Variants in FAM168B observed in about 807,000 individuals in gnomAD.
FAM168B encodes family with sequence similarity 168 member B, also known as myelin-associated neurite-outgrowth inhibitor.
A neutral mutation model predicts 21.8 loss-of-function variants in FAM168B; 19 were observed. The observed-to-expected ratio is 0.87, with a 90% CI of 0.61 to 1.28. The LOEUF (loss-of-function observed/expected upper bound fraction) is 1.28, where lower values mean the gene tolerates loss of function less well. FAM168B is among the 50% of genes most tolerant of loss of function. FAM168B has a pLI of 0.00. For synonymous variants in FAM168B, 126 were observed against 104.8 expected, an observed-to-expected ratio of 1.20 and a Z score of -1.24; for missense variants, 233 against 263.1, an observed-to-expected ratio of 0.89 and a Z score of 0.79.
intron 1 of FAM168B, among the ~76,000 whole-genome samples, chr2:131,089,481 C>A (rs1693897441): frequency 6.6e-6 from 1 of 151,360 alleles, no homozygotes; most frequent in African/African-American, 2.4e-5. Flanking sequence ...GCCTGTAATC[C>A]CAGCACTTTG....
At chr2:131,073,326 C>T (rs1692975683) in intron 2 of FAM168B, among the ~76,000 whole-genome samples, 1 of 152,174 alleles carries the variant, frequency 6.6e-6, no homozygotes, top group Admixed American at 6.5e-5. Flanking sequence ...CTCCTGACCT[C>T]AGGTGATCCA....
intron 3 of FAM168B, among the ~76,000 whole-genome samples, chr2:131,065,718 G>A (rs1305056878): frequency 2.0e-5 from 3 of 151,154 alleles, no homozygotes; most frequent in Non-Finnish European, 4.4e-5. Context: ...GAACCCAGGT[G>A]GCAAGGCTTG....
At chr2:131,089,322 T>C (rs919828624) in intron 1 of FAM168B, among the ~76,000 whole-genome samples, 13 of 152,044 alleles carry the variant, frequency 8.6e-5, no homozygotes, top group African/African-American at 2.7e-4. Flanking sequence ...AGAATTCTTA[T>C]GGGTGGTTTG....
At chr2:131,085,469 T>TA (rs965373336) in intron 1 of FAM168B, among the ~76,000 whole-genome samples, 20 of 152,232 alleles carry the variant, frequency 1.3e-4, no homozygotes, top group Admixed American at 5.9e-4. Context: ...ACCGACTTTC[T>TA]AAAAAACAAA....
chr2:131,069,189 TAAA>T (rs1163267223), intron 3 of FAM168B, among the ~76,000 whole-genome samples: 1 of 152,172 alleles, frequency 6.6e-6, no homozygotes, highest in Admixed American at 6.5e-5. Context: ...TCTTGTAAAA[TAAA>T]AAAGTTGAAA....
At chr2:131,064,018 T>A (rs1340984876) in intron 3 of FAM168B, among the ~76,000 whole-genome samples, 5 of 152,100 alleles carry the variant, frequency 3.3e-5, no homozygotes, top group Non-Finnish European at 1.5e-5. Context: ...CAGTGCTAGG[T>A]CTTTCCAAAA....
At chr2:131,087,063 C>CAAAAAAAAAAAAAAAAAAA (rs70994735) in intron 1 of FAM168B, among the ~76,000 whole-genome samples, 1 of 40,672 alleles carries the variant, frequency 2.5e-5, no homozygotes, top group African/African-American at 2.7e-4. Flanking sequence ...GACTCCGTCT[C>CAAAAAAAAAAAAAAAAAAA]AAAAAAAAAA....
chr2:131,048,934 C>T lies in FAM168B; in HGVS notation c.*3531G>A, dbSNP rs11541218. 1.1e-5 allele frequency: 11 copies of T among 985,874 alleles called. 1 individual carries two copies. In the East Asian group the frequency reaches 3.4e-4, roughly 30 times the overall value. The allele number at this position is 985,874 out of a possible 1,614,324, so 61.1% of individuals were successfully genotyped here. A position where few individuals can be genotyped will look rare whatever the true frequency, so the allele number is the denominator to read the frequency against. The stretch of plus-strand genomic sequence containing the variant: ...ATGGACACATCCAACAGTCAGCTGT[C>T]GGATAAGGTGAAGGTGGCCCAACTG... On this transcript the variant is annotated 3_prime_UTR_variant, in exon 7 of 7. Transcript: ENST00000389915.
At position 131,054,806 on chromosome 2, in the gene FAM168B, T is replaced by C. The variant is rs148044183; in HGVS notation, c.475+466A>G. Among the ~76,000 whole-genome samples the C allele has an allele frequency of 2.8e-3, 433 of 152,328 alleles. 2 individuals carry two copies. Among genetic ancestry groups the C allele is most frequent in the African/African-American group, 9.7e-3 (405 of 41,570 alleles). ...GCCTTGCAAAGTAAAGTACGGTAGA[T>C]GAATGCCAAAGGATTTCTACAGGCA... On this transcript the variant is annotated intron_variant, in intron 5 of 6. Transcript: ENST00000389915.
At chr2:131,064,662 G>A (rs1692466773) in intron 3 of FAM168B, among the ~76,000 whole-genome samples, 1 of 152,154 alleles carries the variant, frequency 6.6e-6, no homozygotes, top group African/African-American at 2.4e-5. Context: ...GGTGGTTACT[G>A]AAGAAAATCC....
chr2:131,048,439 C>T lies in FAM168B; in HGVS notation c.*4026G>A. The T allele has an allele frequency of 8.3e-7, 1 of 1,208,148 alleles. No individual in the cohort carries two copies. Among genetic ancestry groups the T allele is most frequent in the Non-Finnish European group, 1.1e-6 (1 of 935,986 alleles). The allele number at this position is 1,208,148 out of a possible 1,614,324, so 74.8% of individuals were successfully genotyped here. A position where few individuals can be genotyped will look rare whatever the true frequency, so the allele number is the denominator to read the frequency against. On this transcript the variant is annotated 3_prime_UTR_variant, in exon 7 of 7. Transcript: ENST00000389915. ...GGTCCCTACACAGACGCCGCTCATC[C>T]TCTGTCTCCCCTTCCCAAGTGACTT...
chr2:131,055,800 C>G (rs986847547), intron 3 of FAM168B, 105 bp from the exon 4 acceptor site: 2 of 1,386,388 alleles, frequency 1.4e-6, no homozygotes, highest in Admixed American at 2.3e-5. Flanking sequence ...CCACGCAACT[C>G]GCCAGACCTG....
intron 2 of FAM168B, among the ~76,000 whole-genome samples, chr2:131,080,039 C>T (rs559963227): frequency 6.6e-6 from 1 of 151,530 alleles, no homozygotes; most frequent in Non-Finnish European, 1.5e-5. Context: ...ATCACCTGAA[C>T]GCGGGAGGCA....
intron 3 of FAM168B, among the ~76,000 whole-genome samples, chr2:131,064,896 G>T (rs1692479806): frequency 6.6e-6 from 1 of 152,204 alleles, no homozygotes; most frequent in African/African-American, 2.4e-5. Context: ...ATCGGGGGTA[G>T]CTGGAGGTTT....
At chr2:131,055,740 A>G (rs1255669982) in intron 3 of FAM168B, 45 bp from the exon 4 acceptor site, 2 of 1,596,366 alleles carry the variant, frequency 1.3e-6, no homozygotes, top group African/African-American at 2.7e-5. Context: ...AAGCCGGTCC[A>G]GGCGCAGGGA....
At position 131,048,191 on chromosome 2, in the gene FAM168B, G is replaced by A. The variant is rs1363739307; in HGVS notation, c.*4274C>T. On this transcript the variant is annotated 3_prime_UTR_variant, in exon 7 of 7. Transcript: ENST00000389915. The stretch of plus-strand genomic sequence containing the variant: ...AAAATCATTTTTAAAAAAACAAAAA[G>A]GAACCGTTTCTTCTTTAGTTACAAT... 7 of 1,250,750 alleles carry A rather than the reference G, an allele frequency of 5.6e-6. No homozygotes were observed. In the African/African-American group the frequency reaches 7.9e-5, roughly 14 times the overall value. The allele number at this position is 1,250,750 out of a possible 1,614,324, so 77.5% of individuals were successfully genotyped here. A position where few individuals can be genotyped will look rare whatever the true frequency, so the allele number is the denominator to read the frequency against.
At chr2:131,053,617 C>G (rs1404603450) in intron 5 of FAM168B, among the ~76,000 whole-genome samples, 1 of 152,174 alleles carries the variant, frequency 6.6e-6, no homozygotes, top group Non-Finnish European at 1.5e-5. Flanking sequence ...GGGCTCATGT[C>G]TGTAATCCCA....
intron 2 of FAM168B, among the ~76,000 whole-genome samples, chr2:131,077,078 C>G (rs1693192890): frequency 6.6e-6 from 1 of 152,090 alleles, no homozygotes; most frequent in South Asian, 2.1e-4. Flanking sequence ...CAGAGTCACA[C>G]AAACATAGGG....
Position 131,082,608 on chromosome 2 carries a change from G to A in FAM168B, c.39C>T (p.Pro13=), listed in dbSNP as rs781267725. 5.8e-5 allele frequency: 94 copies of A among 1,609,622 alleles called. No individual in the cohort carries two copies. Among genetic ancestry groups the A allele is most frequent in the Non-Finnish European group, 7.5e-5 (88 of 1,178,492 alleles). The change falls in exon 2 of 7, where the codon CCC becomes CCT. Residue 13 remains proline, a synonymous_variant. Coordinates refer to ENST00000389915, the MANE Select transcript of FAM168B (RefSeq NM_001009993.4). ...PVYSPGSSGV[P]YANAKGIGYP... ...AACCAATTCCTTTGGCATTTGCATAGGGAACCCCAGAAGATCCAGGACTAT... is the reference window on the plus strand; with the variant it reads ...AACCAATTCCTTTGGCATTTGCATAAGGAACCCCAGAAGATCCAGGACTAT...
Sources: allele counts gnomAD v4.1 joint callset (sites outside exome capture counted in the v4.1 genomes callset), GRCh38; gene constraint gnomAD v4.1.1; transcripts MANE v1.5; gene names NCBI Gene and HGNC (gene_info 2026-07-23, HGNC 2026-07-21).